HIPK3: variants seen among roughly 807,000 people sequenced by gnomAD.
HIPK3 encodes the protein homeodomain-interacting protein kinase 3.
A neutral mutation model predicts 124.2 loss-of-function variants in HIPK3; 47 were observed. The observed-to-expected ratio is 0.38, with a 90% CI of 0.30 to 0.48. The LOEUF is 0.48. Ranked by LOEUF, HIPK3 falls within the 20% of genes least tolerant of loss-of-function variation. HIPK3 has a pLI of 0.98. For synonymous variants in HIPK3, 482 were observed against 515.2 expected (o/e 0.94, Z 0.87); for missense variants, 1,286 against 1,454.3 (o/e 0.88, Z 1.88).
chr11:33,268,304 T>C (rs1474797629), intron 1 of HIPK3, among the ~76,000 whole-genome samples: 1 of 152,064 alleles, frequency 6.6e-6, no homozygotes, highest in Non-Finnish European at 1.5e-5. Context: ...TATTTAAAAT[T>C]GAATTCTGGG....
chr11:33,329,835 T>G (rs974604309), intron 3 of HIPK3, among the ~76,000 whole-genome samples: 4 of 152,228 alleles, frequency 2.6e-5, no homozygotes, highest in Admixed American at 2.0e-4. Flanking sequence ...CCTTTAGCTG[T>G]TGGAATACTG....
At chr11:33,267,146 G>T (rs1228014746) in intron 1 of HIPK3, among the ~76,000 whole-genome samples, 2 of 150,850 alleles carry the variant, frequency 1.3e-5, no homozygotes, top group African/African-American at 4.9e-5. Flanking sequence ...TTTTTGAGAC[G>T]GGGTCTTGCT....
rs573056567 is a variant in HIPK3 at position 33,316,165 on chromosome 11, A to ATC, written c.1098-12343_1098-12342dup. Among the ~76,000 whole-genome samples, 3 of 152,328 alleles carry ATC rather than the reference A, an allele frequency of 2.0e-5. No homozygotes were observed. In the South Asian group the frequency reaches 6.2e-4, roughly 32 times the overall value. On this transcript the variant is annotated intron_variant, in intron 2 of 16. Transcript: ENST00000303296. ...AAAATATTTGTAGAAGCGGTTGATC[A>ATC]TCTGTTTTGAAATCTGTCTACCTTT... is the stretch of plus-strand genomic sequence containing the variant.
chr11:33,279,603 A>T (rs1190047575), intron 1 of HIPK3, among the ~76,000 whole-genome samples: 1 of 152,202 alleles, frequency 6.6e-6, no homozygotes, highest in East Asian at 1.9e-4. Flanking sequence ...AATTATAAAA[A>T]GATGTGAACA....
chr11:33,259,205 T>G (rs1850758979), intron 1 of HIPK3, among the ~76,000 whole-genome samples: 1 of 152,232 alleles, frequency 6.6e-6, no homozygotes, highest in African/African-American at 2.4e-5. Context: ...CTTTAAAATT[T>G]TTAAAGAGGT....
In HIPK3 at chr11:33,348,642, A is replaced by G. The variant is rs555928291; in HGVS notation, c.2490A>G (p.Glu830=). The change falls in exon 13 of 17, where the codon GAA becomes GAG. Residue 830 remains glutamate (E), a synonymous_variant. Transcript: ENST00000303296. ...CIETQDNQNS[E]GEARNCCETS... is the part of the protein sequence containing the mutation. ...AAACACAGGACAATCAGAACTCAGA[A>G]GGAGAGGCAAGAAATTGCTGTGAAA... The G allele has an allele frequency of 7.4e-6, 12 of 1,614,186 alleles. No homozygotes were observed. Among genetic ancestry groups the G allele is most frequent in the Admixed American group, 3.3e-5 (2 of 60,022 alleles).
intron 8 of HIPK3, among the ~76,000 whole-genome samples, chr11:33,343,620 T>A (rs1361284515): frequency 6.6e-6 from 1 of 152,150 alleles, no homozygotes; most frequent in Non-Finnish European, 1.5e-5. Context: ...ACTCTAAAAC[T>A]TTTTTTATTT....
At chr11:33,279,519 A>G (rs1851359174) in intron 1 of HIPK3, among the ~76,000 whole-genome samples, 1 of 152,098 alleles carries the variant, frequency 6.6e-6, no homozygotes, top group African/African-American at 2.4e-5. Context: ...AAAAGATGGA[A>G]ACAGCCCACT....
At position 33,287,352 on chromosome 11, in the gene HIPK3, TGA is replaced by T; in HGVS notation, c.939_940del (p.Leu316TrpfsTer6). On this transcript the variant is annotated frameshift_variant, in exon 2 of 17. Coordinates refer to ENST00000303296, the MANE Select transcript of HIPK3 (RefSeq NM_005734.5). LOFTEE classifies it high-confidence loss of function. ...CAAGTGGCCACTGCACTGAAAAAATTGAAAAGTCTTGGTTTAATTCATGCTGA... is the reference window on the plus strand; with the variant it reads ...CAAGTGGCCACTGCACTGAAAAAATTAAAGTCTTGGTTTAATTCATGCTGA... 2 of 1,614,178 alleles carry T rather than the reference TGA, an allele frequency of 1.2e-6. No individual in the cohort carries two copies. Among genetic ancestry groups the T allele is most frequent in the Admixed American group, 1.7e-5 (1 of 60,020 alleles).
intron 2 of HIPK3, among the ~76,000 whole-genome samples, chr11:33,309,431 A>G (rs1459718950): frequency 6.6e-6 from 1 of 152,200 alleles, no homozygotes; most frequent in Non-Finnish European, 1.5e-5. Context: ...CTTAGTTCTG[A>G]TTGGTTGACT....
At chr11:33,325,648 T>C (rs1301393557) in intron 2 of HIPK3, among the ~76,000 whole-genome samples, 1 of 152,224 alleles carries the variant, frequency 6.6e-6, no homozygotes, top group African/African-American at 2.4e-5. Context: ...CTGATACTTT[T>C]CTTTGTGTGA....
chr11:33,262,805 T>C (rs901381210), intron 1 of HIPK3, among the ~76,000 whole-genome samples: 1 of 152,138 alleles, frequency 6.6e-6, no homozygotes, highest in Admixed American at 6.5e-5. Flanking sequence ...ATATTTATTT[T>C]TTCTATTTTT....
chr11:33,263,667 T>C (rs1273659441), intron 1 of HIPK3, among the ~76,000 whole-genome samples: 4 of 152,110 alleles, frequency 2.6e-5, no homozygotes, highest in Non-Finnish European at 4.4e-5. Context: ...TAGTGAAAAA[T>C]TGTAATAGCT....
At chr11:33,327,228 G>C (rs1340759020) in intron 2 of HIPK3, among the ~76,000 whole-genome samples, 1 of 152,104 alleles carries the variant, frequency 6.6e-6, no homozygotes, top group Non-Finnish European at 1.5e-5. Flanking sequence ...AAAATTATTA[G>C]TAATGGAACA....
chr11:33,296,636 C>T (rs1439375890), intron 2 of HIPK3, among the ~76,000 whole-genome samples: 1 of 152,062 alleles, frequency 6.6e-6, no homozygotes, highest in Non-Finnish European at 1.5e-5. Flanking sequence ...TTATTTGTTA[C>T]AATGATCTTT....
chr11:33,344,711 A>G (rs952438912), intron 8 of HIPK3, among the ~76,000 whole-genome samples: 6 of 152,196 alleles, frequency 3.9e-5, no homozygotes, highest in Non-Finnish European at 7.4e-5. Flanking sequence ...GAAGCACAGT[A>G]TGTTTTAGCT....
At chr11:33,286,376 CT>C (rs773577412) in intron 1 of HIPK3, 36 bp from the exon 2 acceptor site, 408 of 1,363,526 alleles carry the variant, frequency 3.0e-4, no homozygotes, top group Non-Finnish European at 3.6e-4. Flanking sequence ...TTCTTCTTTC[CT>C]TTTTTTTCTT....
intron 1 of HIPK3, among the ~76,000 whole-genome samples, chr11:33,271,974 C>G (rs1851136544): frequency 1.3e-5 from 2 of 152,100 alleles, no homozygotes; most frequent in South Asian, 4.1e-4. Flanking sequence ...AAATATGTAG[C>G]CTTGCTAAGT....
In HIPK3 at chr11:33,281,058, C is replaced by CTTTTTTTTT. The variant is rs56902582; in HGVS notation, c.-2-5334_-2-5326dup. Among the ~76,000 whole-genome samples, 90 of 111,788 alleles carry CTTTTTTTTT rather than the reference C, an allele frequency of 8.1e-4. 7 individuals are homozygous for CTTTTTTTTT. The highest frequency in any genetic ancestry group is 1.4e-3 in the Non-Finnish European group (80 of 57,438). 73.3% of individuals were successfully genotyped at this position (111,788 alleles called of 152,430 possible). A position where few individuals can be genotyped will look rare whatever the true frequency, so the allele number is the denominator to read the frequency against. ...TTTATGTGTATATTTACTTATTTGA[C>CTTTTTTTTT]TTTTTTTTTTTTTTTTTTTTTTTTT... On this transcript the variant is annotated intron_variant, in intron 1 of 16. Transcript: ENST00000303296.
Sources: allele counts gnomAD v4.1 joint callset (sites outside exome capture counted in the v4.1 genomes callset), GRCh38; gene constraint gnomAD v4.1.1; transcripts MANE v1.5; gene names NCBI Gene and HGNC (gene_info 2026-07-23, HGNC 2026-07-21).